The following SEPTIN11 variants were observed in gnomAD, a reference collection of about 807,000 sequenced individuals.
SEPTIN11 encodes the protein septin 11.
In SEPTIN11, 25 loss-of-function variants were observed where a neutral mutation model predicts 51.4. The ratio of observed to expected loss-of-function variants is 0.49; its 90% CI spans 0.35 to 0.68. The LOEUF (loss-of-function observed/expected upper bound fraction) is 0.68. Among genes scored for constraint, SEPTIN11 ranks in the 30% least tolerant of loss-of-function variants. The probability of loss-of-function intolerance (pLI) is 0.00; values close to 1 mark genes in which losing one functional copy is unlikely to be tolerated. For synonymous variants in SEPTIN11, 174 were observed against 184.1 expected (o/e 0.95, Z 0.44); for missense variants, 381 against 520.8 (o/e 0.73, Z 2.61).
intron 7 of SEPTIN11, among the ~76,000 whole-genome samples, chr4:77,026,811 A>T (rs1018401740): frequency 2.0e-5 from 3 of 152,246 alleles, no homozygotes; most frequent in Admixed American, 1.3e-4. Flanking sequence ...TGACCTAAAT[A>T]ATAGTGATCA....
chr4:76,958,110 C>A (rs1046921563), intron 1 of SEPTIN11, among the ~76,000 whole-genome samples: 2 of 152,218 alleles, frequency 1.3e-5, no homozygotes, highest in African/African-American at 2.4e-5. Context: ...ATTCACCCTT[C>A]AGATAAATTG....
At chr4:77,027,918 T>C (rs1726294996) in intron 7 of SEPTIN11, among the ~76,000 whole-genome samples, 1 of 152,016 alleles carries the variant, frequency 6.6e-6, no homozygotes, top group Non-Finnish European at 1.5e-5. Flanking sequence ...GAATTGAAAA[T>C]AAAAATTAAA....
At chr4:76,987,979 A>T (rs1348389839) in intron 1 of SEPTIN11, 1 of 212,748 alleles carries the variant, frequency 4.7e-6, no homozygotes, top group African/African-American at 2.3e-5. Context: ...CCATGGTTTC[A>T]TCTCAGCTCT....
At chr4:76,980,467 C>T (rs1476438235) in intron 1 of SEPTIN11, among the ~76,000 whole-genome samples, 1 of 152,134 alleles carries the variant, frequency 6.6e-6, no homozygotes, top group Non-Finnish European at 1.5e-5. Flanking sequence ...GCCTTGTTTC[C>T]TTATATCGGT....
rs1265776005 is a variant in SEPTIN11 at position 77,036,858 on chromosome 4, C to T, written c.*2346C>T. 1.4e-6 allele frequency: 2 copies of T among 1,439,932 alleles called. No individual in the cohort carries two copies. Among genetic ancestry groups the T allele is most frequent in the African/African-American group, 1.5e-5 (1 of 67,836 alleles). 89.2% of individuals were successfully genotyped at this position (1,439,932 alleles called of 1,614,324 possible). On this transcript the variant is annotated 3_prime_UTR_variant, in exon 10 of 10. Transcript: ENST00000264893. Reference sequence around the variant, plus strand: ...TGCATGTAAGTACGGTAGTAAGAAACCTTTGAGATCTTTCTGACTTTTCAA... The same window carrying T: ...TGCATGTAAGTACGGTAGTAAGAAATCTTTGAGATCTTTCTGACTTTTCAA...
At chr4:76,974,189 G>A (rs1722379096) in intron 1 of SEPTIN11, among the ~76,000 whole-genome samples, 1 of 152,092 alleles carries the variant, frequency 6.6e-6, no homozygotes, top group Admixed American at 6.5e-5. Context: ...CTACCCACTA[G>A]CAGTTGAAAT....
downstream of SEPTIN11, chr4:77,039,298 T>C (rs1727237672): frequency 3.6e-6 from 4 of 1,097,170 alleles, no homozygotes; most frequent in South Asian, 2.4e-5. Flanking sequence ...CTACCAAAAA[T>C]AGTCATATTC....
intron 7 of SEPTIN11, among the ~76,000 whole-genome samples, chr4:77,027,810 C>T (rs1415001019): frequency 6.6e-6 from 1 of 152,112 alleles, no homozygotes; most frequent in Admixed American, 6.5e-5. Context: ...AGTGATTTCT[C>T]TGTAAATATA....
chr4:77,017,783 T>G (rs1277623447), intron 5 of SEPTIN11, among the ~76,000 whole-genome samples: 2 of 152,200 alleles, frequency 1.3e-5, no homozygotes, highest in Non-Finnish European at 2.9e-5. Context: ...TATTCTTACA[T>G]GCTAATAGAA....
At chr4:76,991,195 A>T (rs1723356688) in intron 1 of SEPTIN11, among the ~76,000 whole-genome samples, 1 of 152,206 alleles carries the variant, frequency 6.6e-6, no homozygotes, top group African/African-American at 2.4e-5. Flanking sequence ...GTTTCAGAAG[A>T]CCTGTTAAGT....
Position 76,949,855 on chromosome 4 carries a change from A to G in SEPTIN11, c.-49A>G, listed in dbSNP as rs1440937530. On this transcript the variant is annotated 5_prime_UTR_variant, in exon 1 of 10. Coordinates refer to ENST00000264893, the MANE Select transcript of SEPTIN11 (RefSeq NM_018243.4). ...GAGCCCGAGCACTAGCAGCAGCCGG[A>G]GTCGGCGTAAAGCACCCGGGCGCAG... 3.3e-6 allele frequency: 5 copies of G among 1,506,670 alleles called. No individual in the cohort carries two copies. The Admixed American group carries it at 6.1e-5, about 18-fold the overall frequency. 93.3% of individuals were successfully genotyped at this position (1,506,670 alleles called of 1,614,324 possible). A position where few individuals can be genotyped will look rare whatever the true frequency, so the allele number is the denominator to read the frequency against.
At chr4:76,985,780 A>G (rs965120168) in intron 1 of SEPTIN11, among the ~76,000 whole-genome samples, 3 of 152,256 alleles carry the variant, frequency 2.0e-5, no homozygotes, top group African/African-American at 7.2e-5. Flanking sequence ...CTAGTCAAGT[A>G]GCCATTGTAC....
chr4:77,005,847 TCCATC>T (rs752135371), intron 3 of SEPTIN11, 51 bp downstream of exon 3: 175 of 1,534,232 alleles, frequency 1.1e-4, no homozygotes, highest in Non-Finnish European at 1.5e-4. Context: ...GATAGCAGGA[TCCATC>T]CCAGGTAAAT....
intron 1 of SEPTIN11, among the ~76,000 whole-genome samples, chr4:76,961,123 C>T (rs915472067): frequency 6.6e-6 from 1 of 152,178 alleles, no homozygotes; most frequent in Non-Finnish European, 1.5e-5. Flanking sequence ...AACTAGTATT[C>T]AGCCCAACAC....
intron 1 of SEPTIN11, among the ~76,000 whole-genome samples, chr4:76,965,740 A>G (rs535721290): frequency 1.4e-4 from 21 of 152,276 alleles, no homozygotes; most frequent in Non-Finnish European, 2.2e-4. Flanking sequence ...CTATGCTTTT[A>G]TAGTTTAATT....
chr4:77,029,087 T>G (rs2109982906), intron 8 of SEPTIN11, among the ~76,000 whole-genome samples: 1 of 152,208 alleles, frequency 6.6e-6, no homozygotes, highest in Non-Finnish European at 1.5e-5. Context: ...TCTTAAAACA[T>G]GAGATTTGGG....
chr4:76,977,379 G>A (rs1028666960), intron 1 of SEPTIN11, among the ~76,000 whole-genome samples: 5 of 152,184 alleles, frequency 3.3e-5, no homozygotes, highest in Non-Finnish European at 7.3e-5. Flanking sequence ...TTGCAGAGAA[G>A]TGCATGTAAA....
intron 1 of SEPTIN11, among the ~76,000 whole-genome samples, chr4:76,983,563 C>T (rs773863749): frequency 6.6e-6 from 1 of 152,208 alleles, no homozygotes; most frequent in African/African-American, 2.4e-5. Flanking sequence ...ACCTATGAAA[C>T]TGACTGCTAA....
chr4:77,020,434 C>A, intron 6 of SEPTIN11, 68 bp from the exon 7 acceptor site: 1 of 1,537,856 alleles, frequency 6.5e-7, no homozygotes, highest in Non-Finnish European at 8.9e-7. Flanking sequence ...ATCTTGGAAG[C>A]ATCACTGCAG....
Sources: gnomAD v4.1 joint callset for allele counts (sites outside exome capture counted in the v4.1 genomes callset) on GRCh38, gnomAD v4.1.1 for gene constraint, MANE v1.5 for transcripts, NCBI Gene and HGNC (gene_info 2026-07-23, HGNC 2026-07-21) for gene names.